TRIM61: variants seen among roughly 807,000 people sequenced by gnomAD.
The protein encoded by TRIM61 is putative tripartite motif-containing protein 61.
TRIM61 carries 1 observed loss-of-function variant against 14.2 expected under a neutral mutation model. That is an observed-to-expected ratio of 0.07 (90% CI 0.03 to 0.33). The LOEUF is 0.33. TRIM61 is among the 10% of genes least tolerant of loss of function. TRIM61 has a pLI of 0.99. For missense variants in TRIM61, 19 were observed against 202.2 expected, an observed-to-expected ratio of 0.09 and a Z score of 5.49; for synonymous variants, 8 against 71.6, an observed-to-expected ratio of 0.11 and a Z score of 4.49.
At chr4:164,974,216 T>C (rs1732432205) in intron 2 of TRIM61, among the ~76,000 whole-genome samples, 1 of 152,330 alleles carries the variant, frequency 6.6e-6, no homozygotes, top group African/African-American at 2.4e-5. Context: ...TTATGGCTTA[T>C]AAGGTTGCTA....
chr4:164,957,338 G>A, intron 3 of TRIM61: 1 of 1,614,114 alleles, frequency 6.2e-7, no homozygotes, highest in Non-Finnish European at 8.5e-7. Flanking sequence ...CATTCCGGCT[G>A]TCACGCCACC....
At chr4:164,972,185 G>C (rs1277418516) in intron 2 of TRIM61, among the ~76,000 whole-genome samples, 8 of 152,202 alleles carry the variant, frequency 5.3e-5, no homozygotes. Context: ...GAGGACACCA[G>C]GTTTGAATCC....
At position 164,970,046 on chromosome 4, in the gene TRIM61, T is replaced by C. The variant is rs367869701; in HGVS notation, c.-44A>G. On this transcript the variant is annotated 5_prime_UTR_variant, in exon 3 of 5. Transcript: ENST00000329314. ...GGTAGGTAAGGTAATTCTTTTATTT[T>C]AGCAAGGCCTAGCTCTCTAGAGCTC... is the stretch of plus-strand genomic sequence containing the variant. 3.1e-6 allele frequency: 5 copies of C among 1,609,344 alleles called. No individual in the cohort carries two copies. The highest frequency in any genetic ancestry group is 3.4e-6 in the Non-Finnish European group (4 of 1,177,506).
At chr4:164,957,295 C>T in intron 3 of TRIM61, 1 of 1,614,198 alleles carries the variant, frequency 6.2e-7, no homozygotes, top group Non-Finnish European at 8.5e-7. Flanking sequence ...CTGTCAGCCG[C>T]TCATGGTGCC....
chr4:164,957,796 C>G (rs1310610396), intron 3 of TRIM61: 3 of 269,782 alleles, frequency 1.1e-5, no homozygotes, highest in African/African-American at 6.7e-5. Context: ...ATTTAAAGCT[C>G]TAATAAGTGA....
At chr4:164,972,287 CCT>C (rs1411523135) in intron 2 of TRIM61, among the ~76,000 whole-genome samples, 1 of 152,066 alleles carries the variant, frequency 6.6e-6, no homozygotes, top group Admixed American at 6.6e-5. Flanking sequence ...AGTATAACAA[CCT>C]CTTTTTCTTA....
chr4:164,957,385 A>G (rs777802274), intron 3 of TRIM61: 2 of 1,614,070 alleles, frequency 1.2e-6, no homozygotes, highest in Admixed American at 3.3e-5. Context: ...AAGGACCACC[A>G]GGAAAAGTCA....
At chr4:164,965,385 T>C (rs183746065) in intron 3 of TRIM61, among the ~76,000 whole-genome samples, 136 of 152,034 alleles carry the variant, frequency 8.9e-4, no homozygotes, top group African/African-American at 3.2e-3. Flanking sequence ...TGGGTGCGAG[T>C]TCATGACCAA....
At chr4:164,964,012 G>GA (rs1324935810) in intron 3 of TRIM61, among the ~76,000 whole-genome samples, 2 of 151,860 alleles carry the variant, frequency 1.3e-5, no homozygotes, top group South Asian at 2.1e-4. Context: ...TAATATATTA[G>GA]AAAAAAATCT....
At chr4:164,957,386 G>A (rs1185956633) in intron 3 of TRIM61, 1 of 1,613,974 alleles carries the variant, frequency 6.2e-7, no homozygotes, top group East Asian at 2.2e-5. Context: ...AGGACCACCA[G>A]GAAAAGTCAG....
chr4:164,971,186 G>A (rs1428143581), intron 2 of TRIM61, among the ~76,000 whole-genome samples: 1 of 152,138 alleles, frequency 6.6e-6, no homozygotes, highest in Non-Finnish European at 1.5e-5. Context: ...GTTAAATTGA[G>A]CACAATAAAA....
At chr4:164,965,571 C>A (rs902677012) in intron 3 of TRIM61, among the ~76,000 whole-genome samples, 1 of 150,266 alleles carries the variant, frequency 6.7e-6, no homozygotes, top group Non-Finnish European at 1.5e-5. Context: ...GTAGCTGGGA[C>A]TACAGGTGCA....
intron 3 of TRIM61, among the ~76,000 whole-genome samples, chr4:164,967,536 GGAACA>G (rs1159106040): frequency 6.6e-6 from 1 of 152,186 alleles, no homozygotes; most frequent in Non-Finnish European, 1.5e-5. Flanking sequence ...CTGTCCAGTG[GGAACA>G]GAACAGGTTA....
chr4:164,968,355 G>T, intron 3 of TRIM61: 1 of 968,064 alleles, frequency 1.0e-6, no homozygotes, highest in Non-Finnish European at 1.2e-6. Flanking sequence ...CATTTCTTCA[G>T]TAATATATGT....
At chr4:164,971,488 G>T (rs1312611036) in intron 2 of TRIM61, among the ~76,000 whole-genome samples, 2 of 151,924 alleles carry the variant, frequency 1.3e-5, no homozygotes, top group Non-Finnish European at 2.9e-5. Context: ...CTACTCAGGA[G>T]GCTGAGGCAG....
chr4:164,970,608 A>G (rs961444222), intron 2 of TRIM61, among the ~76,000 whole-genome samples: 4 of 150,532 alleles, frequency 2.7e-5, no homozygotes, highest in Non-Finnish European at 5.9e-5. Context: ...TATTGCCATT[A>G]GAGAAAATTA....
chr4:164,967,852 GGCTGAAAGTAGC>G (rs1732275301), intron 3 of TRIM61, among the ~76,000 whole-genome samples: 1 of 151,028 alleles, frequency 6.6e-6, no homozygotes, highest in Admixed American at 6.6e-5. Flanking sequence ...AAAAAAAAAA[GGCTGAAAGTAGC>G]TACCTGGCTG....
intron 2 of TRIM61, among the ~76,000 whole-genome samples, chr4:164,972,731 G>A (rs1038371087): frequency 1.2e-4 from 19 of 152,192 alleles, no homozygotes; most frequent in Admixed American, 3.3e-4. Context: ...CCAAGTGATC[G>A]GCCCACCTTG....
intron 3 of TRIM61, chr4:164,969,067 T>A (rs1732302401): frequency 9.3e-7 from 1 of 1,071,878 alleles, no homozygotes; most frequent in East Asian, 8.8e-5. Context: ...TTTTTCTATC[T>A]TCTGAGACTA....
Sources: allele counts gnomAD v4.1 joint callset (sites outside exome capture counted in the v4.1 genomes callset), GRCh38; gene constraint gnomAD v4.1.1; transcripts MANE v1.5; gene names NCBI Gene and HGNC (gene_info 2026-07-23, HGNC 2026-07-21).